The following JAZF1 variants were observed in gnomAD, a reference collection of about 807,000 sequenced individuals.
JAZF1 encodes the protein JAZF zinc finger 1, also known as juxtaposed with another zinc finger protein 1.
Under a neutral mutation model 26.4 loss-of-function variants are expected in JAZF1, and 8 were observed. The ratio of observed to expected loss-of-function variants is 0.30; its 90% confidence interval spans 0.18 to 0.55. The LOEUF (loss-of-function observed/expected upper bound fraction) is 0.55. JAZF1 is among the 20% of genes least tolerant of loss of function. JAZF1 has a pLI of 0.94. For synonymous variants in JAZF1, 126 were observed against 122.3 expected, an observed-to-expected ratio of 1.03 and a Z score of -0.20; for missense variants, 199 against 322.0, an observed-to-expected ratio of 0.62 and a Z score of 2.92.
intron 2 of JAZF1, among the ~76,000 whole-genome samples, chr7:27,909,184 T>A (rs1355384274): frequency 6.9e-6 from 1 of 144,890 alleles, no homozygotes; most frequent in Non-Finnish European, 1.5e-5. Context: ...TAATTTTGAA[T>A]AACCACCCAG....
chr7:27,831,054 T>G lies in JAZF1; in HGVS notation c.*1746A>C, dbSNP rs1174366371. 1.8e-5 allele frequency: 4 copies of G among 222,270 alleles called. No individual in the cohort carries two copies. The highest frequency in any genetic ancestry group is 8.9e-5 in the African/African-American group (4 of 44,764). The allele number at this position is 222,270 out of a possible 1,614,324, so 13.8% of individuals were successfully genotyped here. ...GAAATAGCCAAGTGGGGCCTTCTTA[T>G]GCACCAACTAGTTGCGTCTCATGTC... On this transcript the variant is annotated 3_prime_UTR_variant, in exon 5 of 5. Coordinates refer to ENST00000283928, the MANE Select transcript of JAZF1 (RefSeq NM_175061.4).
At chr7:27,895,166 C>A (rs1030259690) in intron 3 of JAZF1, 54 bp downstream of exon 3, 4 of 1,260,330 alleles carry the variant, frequency 3.2e-6, no homozygotes, top group Non-Finnish European at 2.2e-6. Context: ...ATCACACACA[C>A]TTTCTCTTTC....
intron 1 of JAZF1, among the ~76,000 whole-genome samples, chr7:28,048,205 C>T (rs552036482): frequency 1.8e-4 from 28 of 152,082 alleles, no homozygotes; most frequent in Non-Finnish European, 2.9e-4. Context: ...TTCTAAAAGA[C>T]GGATACATAG....
chr7:28,158,205 G>GAGAGGGA lies in JAZF1; in HGVS notation c.115+22257_115+22258insTCCCTCT, dbSNP rs1562606908. Among the ~76,000 whole-genome samples, 173 of 89,220 alleles carry GAGAGGGA rather than the reference G, an allele frequency of 1.9e-3. 1 individual carries two copies. Among genetic ancestry groups the GAGAGGGA allele is most frequent in the African/African-American group, 7.4e-3 (166 of 22,396 alleles). 58.5% of individuals were successfully genotyped at this position (89,220 alleles called of 152,430 possible). On this transcript the variant is annotated intron_variant, in intron 1 of 4. Coordinates refer to ENST00000283928, the MANE Select transcript of JAZF1 (RefSeq NM_175061.4). ...CACACACAGAGAGAGAGAGAGAGAG[G>GAGAGGGA]GAGAGAGAGAGAGAGAGAGATACTT...
intron 1 of JAZF1, among the ~76,000 whole-genome samples, chr7:28,097,949 T>C (rs1413671076): frequency 6.6e-6 from 1 of 152,228 alleles, no homozygotes. Context: ...AACCATTCCA[T>C]AACGTAGTTA....
At chr7:28,179,916 C>T (rs1783611290) in intron 1 of JAZF1, among the ~76,000 whole-genome samples, 1 of 145,158 alleles carries the variant, frequency 6.9e-6, no homozygotes, top group Non-Finnish European at 1.5e-5. Context: ...GCCACCCCCG[C>T]CCCCCCGCTC....
At chr7:28,049,037 C>A (rs1783545680) in intron 1 of JAZF1, among the ~76,000 whole-genome samples, 1 of 120,482 alleles carries the variant, frequency 8.3e-6, no homozygotes, top group Non-Finnish European at 1.7e-5. Context: ...TTCCCCTCCC[C>A]TTCCCTCCCT....
chr7:28,053,086 G>A lies in JAZF1; in HGVS notation c.116-61105C>T, dbSNP rs142875867. Among the ~76,000 whole-genome samples, 683 of 152,174 alleles carry A rather than the reference G, an allele frequency of 4.5e-3. 3 individuals are homozygous for A. The highest frequency in any genetic ancestry group is 0.016 in the African/African-American group (654 of 41,508). On this transcript the variant is annotated intron_variant, in intron 1 of 4. Coordinates refer to ENST00000283928, the MANE Select transcript of JAZF1 (RefSeq NM_175061.4). Reference sequence around the variant, plus strand: ...TTTGACTCATAGTACATGTCCTTTTGAGACTGACTTATTTTGCCTAGCATA... The same window carrying A: ...TTTGACTCATAGTACATGTCCTTTTAAGACTGACTTATTTTGCCTAGCATA...
At chr7:27,851,290 C>T (rs1455316726) in intron 3 of JAZF1, among the ~76,000 whole-genome samples, 1 of 152,194 alleles carries the variant, frequency 6.6e-6, no homozygotes. Flanking sequence ...CAAACACACT[C>T]AAATTTGACA....
chr7:27,976,531 G>A (rs1316259386), intron 2 of JAZF1, among the ~76,000 whole-genome samples: 1 of 152,042 alleles, frequency 6.6e-6, no homozygotes, highest in African/African-American at 2.4e-5. Flanking sequence ...AGACCTAAGA[G>A]CATGCAACAT....
chr7:27,906,004 AATT>A (rs1403992935), intron 2 of JAZF1, among the ~76,000 whole-genome samples: 1 of 152,208 alleles, frequency 6.6e-6, no homozygotes, highest in African/African-American at 2.4e-5. Flanking sequence ...TCTAGATGCA[AATT>A]TTTAAAAATA....
chr7:28,008,613 G>C (rs1782744215), intron 1 of JAZF1, among the ~76,000 whole-genome samples: 1 of 152,174 alleles, frequency 6.6e-6, no homozygotes, highest in African/African-American at 2.4e-5. Flanking sequence ...GGGAAGAGAA[G>C]GCTTAAACTA....
intron 1 of JAZF1, among the ~76,000 whole-genome samples, chr7:28,142,142 T>C (rs1217191184): frequency 6.6e-6 from 1 of 152,188 alleles, no homozygotes; most frequent in East Asian, 1.9e-4. Context: ...ATTTTTTCCC[T>C]CTTCTTTGTA....
Position 28,010,872 on chromosome 7 carries a change from A to C in JAZF1, c.116-18891T>G, listed in dbSNP as rs1273424193. ...GCATGCCAGTAGGTCGTATTTTCTAACAAGAGTGTCTACAGAGCTTTGTCT... is the reference window on the plus strand; with the variant it reads ...GCATGCCAGTAGGTCGTATTTTCTACCAAGAGTGTCTACAGAGCTTTGTCT... On this transcript the variant is annotated intron_variant, in intron 1 of 4. Transcript: ENST00000283928. 2.6e-5 allele frequency among the ~76,000 whole-genome samples: 4 copies of C among 152,254 alleles called. No individual in the cohort carries two copies. In the East Asian group the frequency reaches 5.8e-4, roughly 22 times the overall value.
At chr7:28,008,149 A>G (rs1479181808) in intron 1 of JAZF1, among the ~76,000 whole-genome samples, 1 of 152,216 alleles carries the variant, frequency 6.6e-6, no homozygotes, top group East Asian at 1.9e-4. Context: ...TGAAAAGATA[A>G]TGATATATGC....
chr7:27,893,856 G>T (rs1475658791), intron 3 of JAZF1, among the ~76,000 whole-genome samples: 23 of 152,172 alleles, frequency 1.5e-4, no homozygotes, highest in African/African-American at 4.8e-5. Flanking sequence ...GGGAAGAAGG[G>T]CTGGGCACGC....
chr7:27,878,493 T>G (rs1192358104), intron 3 of JAZF1, among the ~76,000 whole-genome samples: 1 of 152,210 alleles, frequency 6.6e-6, no homozygotes, highest in Non-Finnish European at 1.5e-5. Flanking sequence ...CCAATTAATT[T>G]CATGACCCAT....
intron 1 of JAZF1, among the ~76,000 whole-genome samples, chr7:28,051,300 T>C (rs575239180): frequency 6.6e-6 from 1 of 151,952 alleles, no homozygotes; most frequent in African/African-American, 2.4e-5. Context: ...ATCTCAGCTC[T>C]GCTTCCTCCA....
At chr7:27,967,476 A>G (rs917099406) in intron 2 of JAZF1, among the ~76,000 whole-genome samples, 1 of 152,188 alleles carries the variant, frequency 6.6e-6, no homozygotes, top group Non-Finnish European at 1.5e-5. Context: ...AAAAAGATGA[A>G]GTAATGTCTT....
Sources: gnomAD v4.1 joint callset for allele counts (sites outside exome capture counted in the v4.1 genomes callset) on GRCh38, gnomAD v4.1.1 for gene constraint, MANE v1.5 for transcripts, NCBI Gene and HGNC (gene_info 2026-07-23, HGNC 2026-07-21) for gene names.